Variants in ORMDL3 observed in about 807,000 individuals in gnomAD.
The protein encoded by ORMDL3 is ORM1-like protein 3.
ORMDL3 carries 6 observed loss-of-function variants against 12.6 expected under a neutral mutation model. That is an observed-to-expected ratio of 0.48 (90% confidence interval 0.26 to 0.94). The LOEUF (loss-of-function observed/expected upper bound fraction) is 0.94. Ranked by LOEUF, ORMDL3 falls within the 40% of genes least tolerant of loss-of-function variation. The pLI, the probability that ORMDL3 is intolerant of heterozygous loss-of-function variation, is 0.14. For synonymous variants in ORMDL3, 99 were observed against 87.2 expected (o/e 1.14, Z -0.75); for missense variants, 159 against 205.5 (o/e 0.77, Z 1.38).
chr17:39,923,382 G>T, intron 2 of ORMDL3, 119 bp from the exon 3 acceptor site: 3 of 1,166,506 alleles, frequency 2.6e-6, no homozygotes, highest in African/African-American at 1.5e-5. Context: ...CTGCTGGGCA[G>T]GGGGATATGG....
In ORMDL3 at chr17:39,921,120, C is replaced by T. The variant is rs1253092625; in HGVS notation, c.*1430G>A. 2 of 152,782 alleles carry T rather than the reference C, an allele frequency of 1.3e-5. No homozygotes were observed. Among genetic ancestry groups the T allele is most frequent in the Non-Finnish European group, 2.9e-5 (2 of 68,074 alleles). 9.5% of individuals were successfully genotyped at this position (152,782 alleles called of 1,614,324 possible). A position where few individuals can be genotyped will look rare whatever the true frequency, so the allele number is the denominator to read the frequency against. On this transcript the variant is annotated 3_prime_UTR_variant, in exon 4 of 4. Transcript: ENST00000304046. ...GAGTAAAAATCCTATTCACACTTTG[C>T]TTAGAAAGATTTTAAGGTGAAAGTT... is the stretch of plus-strand genomic sequence containing the variant.
chr17:39,922,252 G>C lies in ORMDL3; in HGVS notation c.*298C>G, dbSNP rs1978300888. 7.8e-6 allele frequency: 2 copies of C among 257,208 alleles called. No homozygotes were observed. Among genetic ancestry groups the C allele is most frequent in the South Asian group, 1.7e-4 (2 of 11,694 alleles). 15.9% of individuals were successfully genotyped at this position (257,208 alleles called of 1,614,324 possible). A position where few individuals can be genotyped will look rare whatever the true frequency, so the allele number is the denominator to read the frequency against. On this transcript the variant is annotated 3_prime_UTR_variant, in exon 4 of 4. Transcript: ENST00000304046. ...CTCCTGTCGCAACTGCGTGGTCCAT[G>C]TTCAGCCCAGGAGCCCAGCCCATTC...
intron 1 of ORMDL3, 43 bp downstream of exon 1, chr17:39,927,441 C>A: frequency 1.0e-6 from 1 of 985,274 alleles, no homozygotes; most frequent in Non-Finnish European, 1.2e-6. Flanking sequence ...TCTCTCCCGC[C>A]CCTCCCGTAG....
chr17:39,926,624 T>G, intron 1 of ORMDL3: 1 of 265,494 alleles, frequency 3.8e-6, no homozygotes, highest in Non-Finnish European at 5.8e-6. Flanking sequence ...GCAACTCTGT[T>G]GTGTTAACCA....
intron 1 of ORMDL3, among the ~76,000 whole-genome samples, chr17:39,924,563 G>A (rs1006897875): frequency 2.0e-5 from 3 of 152,124 alleles, no homozygotes; most frequent in African/African-American, 7.2e-5. Flanking sequence ...GCACTCCCAT[G>A]AGGACCCTCT....
In ORMDL3 at chr17:39,922,007, A is replaced by G. The variant is rs1320360506; in HGVS notation, c.*543T>C. 6.5e-6 allele frequency: 1 copy of G among 152,872 alleles called. No homozygotes were observed. 9.5% of individuals were successfully genotyped at this position (152,872 alleles called of 1,614,324 possible). On this transcript the variant is annotated 3_prime_UTR_variant, in exon 4 of 4. Transcript: ENST00000304046. The stretch of plus-strand genomic sequence containing the variant: ...ACGGTGGGTTGCAGAGAAGCTGCCA[A>G]AAGCCTGGGACTTGGATTAGACAGC...
Position 39,923,135 on chromosome 17 carries a change from G to C in ORMDL3, c.303C>G (p.Phe101Leu). The change falls in exon 3 of 4, where the codon TTC (phenylalanine) becomes TTG (leucine). Residue 101 changes from phenylalanine (F) to leucine (L), a missense_variant. Phe to Leu is a conservative substitution (Grantham distance 22, BLOSUM62 0). Transcript: ENST00000304046. ...YGVQFTASRK[F>L]LTITPIVLYF... ...ACAGCACGATGGGTGTGATGGTCAAGAACTTCCGAGAGGCCGTGAACTGGA... is the reference window on the plus strand; with the variant it reads ...ACAGCACGATGGGTGTGATGGTCAACAACTTCCGAGAGGCCGTGAACTGGA... 1 of 1,614,202 alleles carries C rather than the reference G, an allele frequency of 6.2e-7. No homozygotes were observed. The highest frequency in any genetic ancestry group is 8.5e-7 in the Non-Finnish European group (1 of 1,180,024).
chr17:39,924,367 G>A, intron 1 of ORMDL3, 142 bp from the exon 2 acceptor site: 1 of 789,950 alleles, frequency 1.3e-6, no homozygotes, highest in East Asian at 2.8e-5. Context: ...CATGGAAAGT[G>A]GAGAAAGTCC....
chr17:39,922,374 C>T lies in ORMDL3; in HGVS notation c.*176G>A, dbSNP rs1978301895. On this transcript the variant is annotated 3_prime_UTR_variant, in exon 4 of 4. Coordinates refer to ENST00000304046, the MANE Select transcript of ORMDL3 (RefSeq NM_139280.4). ...GCCCAGGGGGCCTACCCCAACCCCA[C>T]TACAAGCTACTCCAAGTTGGCTACT... 1 of 781,846 alleles carries T rather than the reference C, an allele frequency of 1.3e-6. No homozygotes were observed. Among genetic ancestry groups the T allele is most frequent in the Admixed American group, 2.5e-5 (1 of 40,102 alleles). 48.4% of individuals were successfully genotyped at this position (781,846 alleles called of 1,614,324 possible).
chr17:39,927,453 C>T (rs1179036415), intron 1 of ORMDL3, 31 bp downstream of exon 1: 1 of 985,492 alleles, frequency 1.0e-6, no homozygotes, highest in Non-Finnish European at 1.2e-6. Flanking sequence ...CTCCCGTAGC[C>T]CTGGGGCCTC....
rs1383499564 is a variant in ORMDL3 at position 39,924,117 on chromosome 17, G to A, written c.87C>T (p.Ala29=). 3 of 1,614,148 alleles carry A rather than the reference G, an allele frequency of 1.9e-6. No individual in the cohort carries two copies. The highest frequency in any genetic ancestry group is 2.2e-5 in the South Asian group (2 of 91,086). ...GCAGCACGATGTGGAGGAGACCGAT[G>A]GCCAGCACGTAGGAGAGCCAGATGC... ...SRGIWLSYVL[A]IGLLHIVLLS... The change falls in exon 2 of 4, where the codon GCC becomes GCT. Residue 29 remains alanine (A), a synonymous_variant. Transcript: ENST00000304046.
In ORMDL3 at chr17:39,922,519, G is replaced by C. The variant is rs764842185; in HGVS notation, c.*31C>G. 5 of 1,600,776 alleles carry C rather than the reference G, an allele frequency of 3.1e-6. No homozygotes were observed. The highest frequency in any genetic ancestry group is 8.5e-7 in the Non-Finnish European group (1 of 1,174,370). Reference sequence around the variant, plus strand: ...ATGCCTTTTACCCTACCCCTCCCCTGCCACCCTGGGCAGGGGAAGGGGCTG... The same window carrying C: ...ATGCCTTTTACCCTACCCCTCCCCTCCCACCCTGGGCAGGGGAAGGGGCTG... On this transcript the variant is annotated 3_prime_UTR_variant, in exon 4 of 4. Coordinates refer to ENST00000304046, the MANE Select transcript of ORMDL3 (RefSeq NM_139280.4).
At chr17:39,924,290 T>A (rs963082200) in intron 1 of ORMDL3, 65 bp from the exon 2 acceptor site, 1 of 1,467,046 alleles carries the variant, frequency 6.8e-7, no homozygotes, top group African/African-American at 1.4e-5. Flanking sequence ...CACCCTCGGA[T>A]CCCGCTGGGA....
chr17:39,925,091 A>G (rs535192253), intron 1 of ORMDL3: 12 of 152,314 alleles, frequency 7.9e-5, no homozygotes, highest in African/African-American at 2.7e-4. Flanking sequence ...CCACCTCAAC[A>G]TATGTCTCCT....
In ORMDL3 at chr17:39,922,475, G is replaced by T; in HGVS notation, c.*75C>A. The T allele has an allele frequency of 6.7e-7, 1 of 1,500,204 alleles. No individual in the cohort carries two copies. Among genetic ancestry groups the T allele is most frequent in the Non-Finnish European group, 9.0e-7 (1 of 1,113,984 alleles). 92.9% of individuals were successfully genotyped at this position (1,500,204 alleles called of 1,614,324 possible). ...CAGTGTCCAGAGGCTTCTTCTTTCTGTCTTCAGTGTTGCAGCACATGCCTT... is the reference window on the plus strand; with the variant it reads ...CAGTGTCCAGAGGCTTCTTCTTTCTTTCTTCAGTGTTGCAGCACATGCCTT... On this transcript the variant is annotated 3_prime_UTR_variant, in exon 4 of 4. Coordinates refer to ENST00000304046, the MANE Select transcript of ORMDL3 (RefSeq NM_139280.4).
chr17:39,924,212 C>G lies in ORMDL3; in HGVS notation c.-9G>C, dbSNP rs757685775. On this transcript the variant is annotated 5_prime_UTR_variant, in exon 2 of 4. Transcript: ENST00000304046. ...GCTGTGCCCACATTCATCCTGCTGCCCCTCTCTGCTGTTCTGCAAACAAGC... is the reference window on the plus strand; with the variant it reads ...GCTGTGCCCACATTCATCCTGCTGCGCCTCTCTGCTGTTCTGCAAACAAGC... The G allele has an allele frequency of 6.3e-7, 1 of 1,595,800 alleles. No homozygotes were observed. The highest frequency in any genetic ancestry group is 1.7e-5 in the Admixed American group (1 of 58,746).
intron 1 of ORMDL3, chr17:39,927,054 G>A: frequency 1.0e-6 from 1 of 961,760 alleles, no homozygotes; most frequent in Non-Finnish European, 1.2e-6. Flanking sequence ...GAGCGAAGAG[G>A]CGGAGTCCTC....
chr17:39,926,753 C>T (rs1353822995), intron 1 of ORMDL3: 16 of 977,584 alleles, frequency 1.6e-5, no homozygotes, highest in Non-Finnish European at 1.8e-5. Context: ...ACCACCAGGG[C>T]AGCCACCAGG....
At chr17:39,923,345 T>C in intron 2 of ORMDL3, 82 bp from the exon 3 acceptor site, 1 of 1,473,204 alleles carries the variant, frequency 6.8e-7, no homozygotes, top group Non-Finnish European at 9.4e-7. Flanking sequence ...CAGACACAAG[T>C]AACTCCCAGT....
Sources: gnomAD v4.1 joint callset for allele counts (sites outside exome capture counted in the v4.1 genomes callset) on GRCh38, gnomAD v4.1.1 for gene constraint, MANE v1.5 for transcripts, NCBI Gene and HGNC (gene_info 2026-07-23, HGNC 2026-07-21) for gene names.